The following MYBPC2 variants were observed in gnomAD, a reference collection of about 807,000 sequenced individuals.
The protein encoded by MYBPC2 is myosin binding protein C2.
Under a neutral mutation model 137.0 loss-of-function variants are expected in MYBPC2, and 122 were observed. That is an observed-to-expected ratio of 0.89 (90% CI 0.77 to 1.03). MYBPC2 has a LOEUF of 1.03. MYBPC2 is among the 50% of genes least tolerant of loss of function. The pLI is 0.00. For missense variants in MYBPC2, 1,500 were observed against 1,534.4 expected (o/e 0.98, Z 0.37); for synonymous variants, 626 against 612.3 (o/e 1.02, Z -0.33).
At chr19:50,445,484 C>A (rs771613853) in intron 11 of MYBPC2, among the ~76,000 whole-genome samples, 25 of 151,754 alleles carry the variant, frequency 1.6e-4, no homozygotes, top group Admixed American at 6.6e-4. Flanking sequence ...CCTCTGCCTC[C>A]CGGATTCAAG....
chr19:50,458,034 A>T (rs55759743), intron 20 of MYBPC2, among the ~76,000 whole-genome samples: 1 of 151,780 alleles, frequency 6.6e-6, no homozygotes, highest in Non-Finnish European at 1.5e-5. Context: ...GGTTGAGGTA[A>T]GAATTAATGA....
rs1439007318 is a variant in MYBPC2, at chr19:50,455,596, G to C, written c.2290G>C (p.Gly764Arg). Residue 764 changes from glycine to arginine, a missense_variant, in exon 20 of 28, where the codon GGG (glycine) becomes CGG (arginine). Physicochemically the swap from Gly to Arg is moderately radical, Grantham distance 125. Coordinates refer to ENST00000357701, the MANE Select transcript of MYBPC2 (RefSeq NM_004533.4). ...CAAGTGGAGGCCTCCGAACAGGATC[G>C]GGGCAGGTGGCATCGATGGGTACCT... ...TLKWRPPNRI[G>R]AGGIDGYLVE... 6.2e-6 allele frequency: 10 copies of C among 1,613,990 alleles called. No individual in the cohort carries two copies. The highest frequency in any genetic ancestry group is 8.5e-6 in the Non-Finnish European group (10 of 1,179,896).
intron 7 of MYBPC2, 70 bp downstream of exon 7, chr19:50,437,788 T>C: frequency 1.3e-6 from 2 of 1,502,336 alleles, no homozygotes; most frequent in Non-Finnish European, 1.8e-6. Context: ...TGAAGCTCCA[T>C]GGCCCACTGA....
rs772422978 is a variant in MYBPC2, at chr19:50,451,315, C to G, written c.1609+6C>G. On this transcript the variant is annotated splice_donor_region_variant and intron_variant, in intron 15 of 27. Transcript: ENST00000357701. ...GGAGTACGTTCCCAAGCAAGGTGAG[C>G]ACCACGGGCTGCGCTGGGAGCGGGT... 6.2e-7 allele frequency: 1 copy of G among 1,613,310 alleles called. No individual in the cohort carries two copies. Among genetic ancestry groups the G allele is most frequent in the South Asian group, 1.1e-5 (1 of 91,054 alleles).
Position 50,454,048 on chromosome 19 carries a change from G to T in MYBPC2, c.1778G>T (p.Arg593Leu), listed in dbSNP as rs371015595. The stretch of plus-strand genomic sequence containing the variant: ...TTCACGACCACCGAGGGCAGGACCC[G>T]CATCGAGAAGCGGGTGGACTGCAGC... ...EVFTTTEGRT[R>L]IEKRVDCSSF... The change falls in exon 17 of 28, where the codon CGC becomes CTC. Residue 593 changes from arginine (R) to leucine (L), a missense_variant. By Grantham distance (102) the Arg-to-Leu change is moderately radical (BLOSUM62 -2). Coordinates refer to ENST00000357701, the MANE Select transcript of MYBPC2 (RefSeq NM_004533.4). 8.1e-6 allele frequency: 13 copies of T among 1,606,842 alleles called. No individual in the cohort carries two copies. The highest frequency in any genetic ancestry group is 5.6e-5 in the South Asian group (5 of 89,682).
chr19:50,433,074 C>T lies in MYBPC2; in HGVS notation c.19+102C>T, dbSNP rs2039671505. ...TAGGGTTGGGAGAAGGAGGAACCTTCGCTGTGTGAGGAGGAGGCTCCCTTT... is the reference window on the plus strand; with the variant it reads ...TAGGGTTGGGAGAAGGAGGAACCTTTGCTGTGTGAGGAGGAGGCTCCCTTT... On this transcript the variant is annotated intron_variant, in intron 1 of 27. Coordinates refer to ENST00000357701, the MANE Select transcript of MYBPC2 (RefSeq NM_004533.4). 3.6e-6 allele frequency: 5 copies of T among 1,396,772 alleles called. No homozygotes were observed. The East Asian group carries it at 8.0e-5, about 22-fold the overall frequency. 86.5% of individuals were successfully genotyped at this position (1,396,772 alleles called of 1,614,324 possible). A position where few individuals can be genotyped will look rare whatever the true frequency, so the allele number is the denominator to read the frequency against.
At chr19:50,444,529 C>T (rs1165148331) in intron 11 of MYBPC2, among the ~76,000 whole-genome samples, 2 of 152,130 alleles carry the variant, frequency 1.3e-5, no homozygotes, top group African/African-American at 4.8e-5. Context: ...AAATATTTAT[C>T]GAGCACCTGT....
chr19:50,457,937 C>T (rs1396256881), intron 20 of MYBPC2, among the ~76,000 whole-genome samples: 1 of 151,478 alleles, frequency 6.6e-6, no homozygotes, highest in African/African-American at 2.4e-5. Flanking sequence ...ACCTCAGCCT[C>T]CCGAAGTGCT....
At chr19:50,453,075 T>C (rs1446580043) in intron 16 of MYBPC2, among the ~76,000 whole-genome samples, 6 of 152,346 alleles carry the variant, frequency 3.9e-5, no homozygotes, top group South Asian at 2.1e-4. Context: ...ATGAGTTGGA[T>C]GCGGCTCCTG....
chr19:50,449,789 G>A (rs950806593), intron 13 of MYBPC2, among the ~76,000 whole-genome samples: 6 of 152,170 alleles, frequency 3.9e-5, no homozygotes, highest in African/African-American at 1.4e-4. Context: ...GGGCTTCCTG[G>A]CAATAGTTCT....
chr19:50,440,666 AAAAAAAAAAACC>A (rs1271256371), intron 7 of MYBPC2, among the ~76,000 whole-genome samples: 2 of 151,184 alleles, frequency 1.3e-5, no homozygotes, highest in Non-Finnish European at 3.0e-5. Flanking sequence ...CTGTCTCAAA[AAAAAAAAAAACC>A]AAAAAACCCA....
chr19:50,461,094 C>T (rs567880058), intron 24 of MYBPC2, among the ~76,000 whole-genome samples: 10 of 152,100 alleles, frequency 6.6e-5, no homozygotes, highest in African/African-American at 1.2e-4. Context: ...GCCTCCAACC[C>T]GCAGGTTCAG....
chr19:50,451,158 C>A, intron 14 of MYBPC2, 122 bp from the exon 15 acceptor site: 1 of 1,300,946 alleles, frequency 7.7e-7, no homozygotes, highest in Non-Finnish European at 1.1e-6. Context: ...CTGAACCTGT[C>A]TCCAGCACCC....
In MYBPC2 at chr19:50,445,892, T is replaced by A. The variant is rs77572824; in HGVS notation, c.1146T>A (p.Gly382=). Residue 382 remains glycine (G), a synonymous_variant, in exon 12 of 28, where the codon GGT becomes GGA. Coordinates refer to ENST00000357701, the MANE Select transcript of MYBPC2 (RefSeq NM_004533.4). ...EGAQVMWMKD[G]VELTREDSFK... Reference sequence around the variant, plus strand: ...CTCACCCACCTAGGATGAAAGATGGTGTGGAACTGACTCGGGAGGATTCCT... The same window carrying A: ...CTCACCCACCTAGGATGAAAGATGGAGTGGAACTGACTCGGGAGGATTCCT... The A allele has an allele frequency of 2.3e-4, 364 of 1,607,002 alleles. 4 individuals carry two copies. In the East Asian group the frequency reaches 8.0e-3, roughly 36 times the overall value.
In MYBPC2 at chr19:50,448,318, T is replaced by C; in HGVS notation, c.1400T>C (p.Val467Ala). The C allele has an allele frequency of 6.2e-7, 1 of 1,613,884 alleles. No homozygotes were observed. The highest frequency in any genetic ancestry group is 8.5e-7 in the Non-Finnish European group (1 of 1,179,832). Residue 467 changes from valine (V) to alanine (A), a missense_variant, in exon 13 of 28, where the codon GTG becomes GCG. By Grantham distance (64) the Val-to-Ala change is moderately conservative (BLOSUM62 0). Coordinates refer to ENST00000357701, the MANE Select transcript of MYBPC2 (RefSeq NM_004533.4). ...AAGTGCGAGGTGTCTGATGAGAAAG[T>C]GACGGGCAAGTGGTATAAGAATGGG... ...VFKCEVSDEKVTGKWYKNGVE... is the reference protein window; with the variant it reads ...VFKCEVSDEKATGKWYKNGVE...
intron 8 of MYBPC2, 136 bp from the exon 9 acceptor site, chr19:50,442,045 C>T: frequency 1.7e-6 from 2 of 1,159,934 alleles, no homozygotes; most frequent in Non-Finnish European, 2.4e-6. Flanking sequence ...TCTCTAAGTT[C>T]ATAGGAGGCC....
intron 5 of MYBPC2, 110 bp downstream of exon 5, chr19:50,436,844 AG>A: frequency 1.1e-6 from 1 of 932,436 alleles, no homozygotes; most frequent in South Asian, 1.5e-5. Flanking sequence ...AGGTGGGCAC[AG>A]GTTTTTGGAG....
intron 7 of MYBPC2, among the ~76,000 whole-genome samples, chr19:50,440,054 G>A (rs10421141): frequency 3.3e-5 from 5 of 152,066 alleles, no homozygotes; most frequent in African/African-American, 9.7e-5. Context: ...GGTGACTTTG[G>A]GGGGAGTGAC....
chr19:50,451,358 G>GAAT, intron 15 of MYBPC2, 49 bp downstream of exon 15: 2 of 1,601,496 alleles, frequency 1.2e-6, no homozygotes, highest in Non-Finnish European at 1.7e-6. Flanking sequence ...AGGAGGGACC[G>GAAT]GGCTGAGGGA....
Sources: allele counts gnomAD v4.1 joint callset (sites outside exome capture counted in the v4.1 genomes callset), GRCh38; gene constraint gnomAD v4.1.1; transcripts MANE v1.5; gene names NCBI Gene and HGNC (gene_info 2026-07-23, HGNC 2026-07-21).